Variants in USP10 observed in about 807,000 individuals in gnomAD.
The protein encoded by USP10 is ubiquitin carboxyl-terminal hydrolase 10.
A neutral mutation model predicts 84.5 loss-of-function variants in USP10; 22 were observed. That is an observed-to-expected ratio of 0.26 (90% confidence interval 0.19 to 0.37). The LOEUF (loss-of-function observed/expected upper bound fraction) is 0.37, where lower values mean the gene tolerates loss of function less well. Ranked by LOEUF, USP10 falls within the 10% of genes least tolerant of loss-of-function variation. USP10 has a pLI of 1.00. For synonymous variants in USP10, 454 were observed against 387.6 expected, an observed-to-expected ratio of 1.17 and a Z score of -2.01; for missense variants, 1,019 against 998.9, an observed-to-expected ratio of 1.02 and a Z score of -0.27.
chr16:84,754,676 G>A (rs145195241), intron 4 of USP10, among the ~76,000 whole-genome samples: 1 of 152,320 alleles, frequency 6.6e-6, no homozygotes, highest in African/African-American at 2.4e-5. Flanking sequence ...TTAAGGGAAT[G>A]GCTGATGTAG....
intron 4 of USP10, among the ~76,000 whole-genome samples, chr16:84,747,729 A>G (rs915239908): frequency 2.6e-5 from 4 of 151,874 alleles, no homozygotes; most frequent in South Asian, 2.1e-4. Context: ...ATGTCTGGCT[A>G]TCTTTTTTTG....
At chr16:84,723,246 A>G (rs1160126169) in intron 1 of USP10, among the ~76,000 whole-genome samples, 1 of 151,324 alleles carries the variant, frequency 6.6e-6, no homozygotes, top group Non-Finnish European at 1.5e-5. Flanking sequence ...ATTGTTAATG[A>G]TTTTTCTTTA....
rs748307642 is a variant in USP10, at chr16:84,745,510, C to T, written c.1029C>T (p.Ala343=). 2.5e-6 allele frequency: 4 copies of T among 1,613,452 alleles called. No homozygotes were observed. The Admixed American group carries it at 5.0e-5, about 20-fold the overall frequency. ...TLPVSQPKSW[A]SLFHDSKPSS... ...CTGTCAGCCAGCCCAAGTCCTGGGCCAGCCTCTTTCATGATTCTAAGCCCT... is the reference window on the plus strand; with the variant it reads ...CTGTCAGCCAGCCCAAGTCCTGGGCTAGCCTCTTTCATGATTCTAAGCCCT... The change falls in exon 4 of 14, where the codon GCC becomes GCT. Residue 343 remains alanine (A), a synonymous_variant. Coordinates refer to ENST00000219473, the MANE Select transcript of USP10 (RefSeq NM_005153.3).
At chr16:84,749,502 G>A (rs1448664394) in intron 4 of USP10, among the ~76,000 whole-genome samples, 1 of 151,760 alleles carries the variant, frequency 6.6e-6, no homozygotes, top group Non-Finnish European at 1.5e-5. Flanking sequence ...TGTGGAGATT[G>A]AGGCTTGAGG....
At chr16:84,738,284 T>C (rs984397308) in intron 2 of USP10, among the ~76,000 whole-genome samples, 2 of 152,242 alleles carry the variant, frequency 1.3e-5, no homozygotes, top group African/African-American at 4.8e-5. Flanking sequence ...AAAGATGATT[T>C]CTTGATGTTA....
At chr16:84,770,924 G>T (rs1004234821) in intron 11 of USP10, among the ~76,000 whole-genome samples, 4 of 151,984 alleles carry the variant, frequency 2.6e-5, no homozygotes, top group African/African-American at 9.7e-5. Flanking sequence ...AAATTAACTG[G>T]GCATGGTGGT....
At chr16:84,735,697 C>G (rs561574474) in intron 2 of USP10, among the ~76,000 whole-genome samples, 1 of 152,112 alleles carries the variant, frequency 6.6e-6, no homozygotes, top group Non-Finnish European at 1.5e-5. Flanking sequence ...GAAGACGTGA[C>G]TGTGTCTCAT....
chr16:84,726,489 G>A (rs578231810), intron 1 of USP10, among the ~76,000 whole-genome samples: 7 of 152,332 alleles, frequency 4.6e-5, no homozygotes, highest in Middle Eastern at 6.8e-3. Context: ...GGGCCGTAGT[G>A]GCCTCCACAC....
rs532221321 is a variant in USP10, at chr16:84,758,897, A to G, written c.1284+90A>G. ...TGACTTAGCTCAGCTTCCGTGGGCC[A>G]TCTAGCTCTCCATTTGAATCCCTAA... On this transcript the variant is annotated intron_variant, in intron 5 of 13. Transcript: ENST00000219473. 139 of 891,510 alleles carry G rather than the reference A, an allele frequency of 1.6e-4. No homozygotes were observed. In the African/African-American group the frequency reaches 2.1e-3, roughly 13 times the overall value. 55.2% of individuals were successfully genotyped at this position (891,510 alleles called of 1,614,324 possible).
At chr16:84,710,906 C>T (rs1906198619) in intron 1 of USP10, among the ~76,000 whole-genome samples, 1 of 152,080 alleles carries the variant, frequency 6.6e-6, no homozygotes, top group African/African-American at 2.4e-5. Flanking sequence ...ACTTGTTGAG[C>T]CCTTTCGCAT....
At chr16:84,722,533 T>G (rs539967291) in intron 1 of USP10, among the ~76,000 whole-genome samples, 5 of 152,308 alleles carry the variant, frequency 3.3e-5, no homozygotes, top group Non-Finnish European at 5.9e-5. Flanking sequence ...TGAGAATGCT[T>G]CTTCTCTGTC....
chr16:84,713,464 C>T (rs1430684157), intron 1 of USP10, among the ~76,000 whole-genome samples: 3 of 152,190 alleles, frequency 2.0e-5, no homozygotes, highest in Non-Finnish European at 2.9e-5. Context: ...CCTACATACC[C>T]GCTATCCTGA....
At chr16:84,740,053 T>A (rs757593306) in intron 2 of USP10, among the ~76,000 whole-genome samples, 4 of 152,264 alleles carry the variant, frequency 2.6e-5, no homozygotes, top group African/African-American at 4.8e-5. Context: ...TTGGAGTTCA[T>A]TTTTATTCCT....
intron 10 of USP10, among the ~76,000 whole-genome samples, chr16:84,765,398 G>C (rs892621998): frequency 1.3e-5 from 2 of 151,604 alleles, no homozygotes; most frequent in South Asian, 2.1e-4. Flanking sequence ...GGCTGCCCTT[G>C]GTGTCCTTCG....
intron 1 of USP10, among the ~76,000 whole-genome samples, chr16:84,706,636 G>A (rs1247813123): frequency 1.3e-5 from 2 of 151,610 alleles, no homozygotes; most frequent in African/African-American, 2.4e-5. Flanking sequence ...CGCCTCCCGG[G>A]TTCACGCCAT....
Position 84,702,993 on chromosome 16 carries a change from C to CAAAAAA in USP10, c.21+2897_21+2902dup, listed in dbSNP as rs1157728872. ...GGGCGACAGAGCAAGACTCCCGTCT[C>CAAAAAA]AAAAAAAAAAAAAAAAAAAAGAGCG... On this transcript the variant is annotated intron_variant, in intron 1 of 13. Transcript: ENST00000219473. Among the ~76,000 whole-genome samples, 69 of 52,170 alleles carry CAAAAAA rather than the reference C, an allele frequency of 1.3e-3. 5 individuals are homozygous for CAAAAAA. The highest frequency in any genetic ancestry group is 1.4e-3 in the Non-Finnish European group (42 of 29,384). The allele number at this position is 52,170 out of a possible 152,430, so 34.2% of individuals were successfully genotyped here.
chr16:84,777,577 C>T lies in USP10; in HGVS notation c.2210-1318C>T, dbSNP rs1016641934. Among the ~76,000 whole-genome samples the T allele has an allele frequency of 2.6e-5, 4 of 152,204 alleles. No homozygotes were observed. In the East Asian group the frequency reaches 5.8e-4, roughly 22 times the overall value. ...CCGAAGTACGGGCCCCACAGTCTTG[C>T]TGTCCCTATGCTGTTCAGTCTCCTC... On this transcript the variant is annotated intron_variant, in intron 13 of 13. Coordinates refer to ENST00000219473, the MANE Select transcript of USP10 (RefSeq NM_005153.3).
At chr16:84,701,636 CCTTT>C (rs1412050565) in intron 1 of USP10, among the ~76,000 whole-genome samples, 2 of 152,150 alleles carry the variant, frequency 1.3e-5, no homozygotes, top group African/African-American at 4.8e-5. Flanking sequence ...TAGCTCACTT[CCTTT>C]ATTTAATAAG....
chr16:84,774,505 C>T (rs1017141554), intron 12 of USP10, among the ~76,000 whole-genome samples: 3 of 39,398 alleles, frequency 7.6e-5, no homozygotes, highest in African/African-American at 4.0e-4. Flanking sequence ...TTTTCTTGCT[C>T]TGTCACCCAG....
Sources: allele counts gnomAD v4.1 joint callset (sites outside exome capture counted in the v4.1 genomes callset), GRCh38; gene constraint gnomAD v4.1.1; transcripts MANE v1.5; gene names NCBI Gene and HGNC (gene_info 2026-07-23, HGNC 2026-07-21).